IFRD1: variants seen among roughly 807,000 people sequenced by gnomAD.
The protein encoded by IFRD1 is interferon-related developmental regulator 1.
A neutral mutation model predicts 52.9 loss-of-function variants in IFRD1; 35 were observed. The ratio of observed to expected loss-of-function variants is 0.66; its 90% CI spans 0.51 to 0.88. IFRD1 has a LOEUF of 0.88. Among genes scored for constraint, IFRD1 ranks in the 40% least tolerant of loss-of-function variants. The probability of loss-of-function intolerance (pLI) is 0.00; values close to 1 mark genes in which losing one functional copy is unlikely to be tolerated. For synonymous variants in IFRD1, 184 were observed against 188.4 expected (o/e 0.98, Z 0.19); for missense variants, 517 against 550.8 (o/e 0.94, Z 0.61).
chr7:112,464,410 T>A (rs1795558240), intron 8 of IFRD1, among the ~76,000 whole-genome samples: 1 of 152,190 alleles, frequency 6.6e-6, no homozygotes, highest in African/African-American at 2.4e-5. Context: ...ATGTTTGCCA[T>A]ATAACCAATT....
intron 1 of IFRD1, chr7:112,451,085 T>C (rs372142467): frequency 5.5e-6 from 2 of 365,676 alleles, no homozygotes; most frequent in East Asian, 5.8e-5. Flanking sequence ...AAAGGAACCA[T>C]TGTCAGAGTT....
chr7:112,448,432 G>A (rs141307762), upstream of IFRD1, among the ~76,000 whole-genome samples: 28 of 152,308 alleles, frequency 1.8e-4, no homozygotes, highest in Middle Eastern at 3.4e-3. Context: ...GTTGCCTTAT[G>A]TATAGTATAA....
At chr7:112,446,468 C>T (rs1364983194), upstream of IFRD1, 1 of 152,374 alleles carries the variant, frequency 6.6e-6, no homozygotes, top group African/African-American at 2.4e-5. Flanking sequence ...GGATCTCTTT[C>T]TTGTAATTCT....
At chr7:112,429,869 A>G (rs1232922054) in intron 1 of IFRD1, among the ~76,000 whole-genome samples, 3 of 152,182 alleles carry the variant, frequency 2.0e-5, no homozygotes, top group Admixed American at 2.0e-4. Context: ...TAAGAGCATA[A>G]CTCATGAGAA....
intron 1 of IFRD1, among the ~76,000 whole-genome samples, chr7:112,434,794 A>G (rs1191127859): frequency 6.6e-6 from 1 of 152,230 alleles, no homozygotes; most frequent in Non-Finnish European, 1.5e-5. Context: ...TTATACTAAT[A>G]TCACACTCAT....
chr7:112,457,970 TAAAG>T (rs1326000305), intron 4 of IFRD1: 1 of 152,112 alleles, frequency 6.6e-6, no homozygotes, highest in Non-Finnish European at 1.5e-5. Context: ...TTGAATAGAA[TAAAG>T]AAAGGCCTAG....
chr7:112,448,063 A>G (rs933067111), upstream of IFRD1, among the ~76,000 whole-genome samples: 4 of 151,182 alleles, frequency 2.6e-5, no homozygotes, highest in Admixed American at 6.6e-5. Context: ...TTCAAATGTA[A>G]CACTTCCTTT....
chr7:112,455,144 G>C (rs966632852), intron 1 of IFRD1, among the ~76,000 whole-genome samples: 4 of 151,838 alleles, frequency 2.6e-5, no homozygotes, highest in Non-Finnish European at 4.4e-5. Context: ...GATTACAGGC[G>C]GGAGCCACCG....
intron 9 of IFRD1, among the ~76,000 whole-genome samples, chr7:112,469,567 G>C (rs1795695763): frequency 6.6e-6 from 1 of 151,310 alleles, no homozygotes; most frequent in East Asian, 1.9e-4. Context: ...TTTTTTTTGA[G>C]TTACTGTAGT....
In IFRD1 at chr7:112,472,068, G is replaced by A. The variant is rs1584503527; in HGVS notation, c.1042-151G>A. ...CACCCTTACATACAGGATAGCAACA[G>A]TTTGTCCACATCTCAGGTATGGCAG... On this transcript the variant is annotated intron_variant, in intron 9 of 11. Transcript: ENST00000403825. 5.9e-5 allele frequency: 47 copies of A among 800,204 alleles called. No homozygotes were observed. The East Asian group carries it at 1.2e-3, about 20-fold the overall frequency. The allele number at this position is 800,204 out of a possible 1,614,324, so 49.6% of individuals were successfully genotyped here. A position where few individuals can be genotyped will look rare whatever the true frequency, so the allele number is the denominator to read the frequency against.
At chr7:112,449,568 T>C (rs1337480440), upstream of IFRD1, among the ~76,000 whole-genome samples, 2 of 152,164 alleles carry the variant, frequency 1.3e-5, no homozygotes, top group Non-Finnish European at 2.9e-5. Flanking sequence ...TAACAGGCTC[T>C]AAATACTAGA....
intron 5 of IFRD1, among the ~76,000 whole-genome samples, chr7:112,460,055 C>T (rs1209304561): frequency 1.3e-5 from 2 of 152,230 alleles, no homozygotes; most frequent in South Asian, 4.1e-4. Context: ...TAATTTCATG[C>T]TAGAATGACA....
intron 1 of IFRD1, among the ~76,000 whole-genome samples, chr7:112,444,936 A>G (rs1794982111): frequency 6.6e-6 from 1 of 152,118 alleles, no homozygotes; most frequent in Non-Finnish European, 1.5e-5. Flanking sequence ...TTATACCCTG[A>G]ATCTAAAAGT....
At chr7:112,468,758 A>G (rs1445553516) in intron 9 of IFRD1, among the ~76,000 whole-genome samples, 1 of 152,188 alleles carries the variant, frequency 6.6e-6, no homozygotes, top group Non-Finnish European at 1.5e-5. Flanking sequence ...TCGGCCTTCC[A>G]AAGTGCTGGG....
chr7:112,469,580 C>T (rs1795696383), intron 9 of IFRD1, among the ~76,000 whole-genome samples: 1 of 151,938 alleles, frequency 6.6e-6, no homozygotes, highest in Non-Finnish European at 1.5e-5. Flanking sequence ...ACTGTAGTCT[C>T]CAAAGATATG....
At position 112,472,825 on chromosome 7, in the gene IFRD1, A is replaced by G. The variant is rs144781555; in HGVS notation, c.1230A>G (p.Ala410=). ...ELGPPVMLDA[A]TLKTMKISRF... ...GACCCCCAGTGATGCTTGATGCTGCAACGCTTAAAACGATGAAGATTTCTC... is the reference window on the plus strand; with the variant it reads ...GACCCCCAGTGATGCTTGATGCTGCGACGCTTAAAACGATGAAGATTTCTC... Residue 410 remains alanine, a synonymous_variant, in exon 11 of 12, where the codon GCA becomes GCG. Coordinates refer to ENST00000403825, the MANE Select transcript of IFRD1 (RefSeq NM_001550.4). 513 of 1,613,582 alleles carry G rather than the reference A, an allele frequency of 3.2e-4. 3 individuals are homozygous for G. In the African/African-American group the frequency reaches 5.4e-3, roughly 17 times the overall value.
At chr7:112,469,440 C>T (rs1795691878) in intron 9 of IFRD1, among the ~76,000 whole-genome samples, 1 of 152,128 alleles carries the variant, frequency 6.6e-6, no homozygotes, top group East Asian at 1.9e-4. Context: ...CAAAAAAACC[C>T]CTAACTCGAG....
chr7:112,423,591 G>A (rs1794367369), intron 1 of IFRD1, among the ~76,000 whole-genome samples: 1 of 152,146 alleles, frequency 6.6e-6, no homozygotes, highest in Non-Finnish European at 1.5e-5. Flanking sequence ...CTTTCTTTGA[G>A]ATTGAACAAA....
intron 1 of IFRD1, chr7:112,451,090 A>C (rs1356390918): frequency 2.8e-6 from 1 of 351,996 alleles, no homozygotes; most frequent in African/African-American, 2.1e-5. Context: ...AACCATTGTC[A>C]GAGTTCCTTT....
Sources: gnomAD v4.1 joint callset for allele counts (sites outside exome capture counted in the v4.1 genomes callset) on GRCh38, gnomAD v4.1.1 for gene constraint, MANE v1.5 for transcripts, NCBI Gene and HGNC (gene_info 2026-07-23, HGNC 2026-07-21) for gene names.